Variants in SH3RF3 observed in about 807,000 individuals in gnomAD.
SH3RF3 encodes E3 ubiquitin-protein ligase SH3RF3.
SH3RF3 carries 29 observed loss-of-function variants against 66.3 expected under a neutral mutation model. The observed-to-expected ratio is 0.44, with a 90% CI of 0.33 to 0.60. The LOEUF is 0.60. SH3RF3 is among the 20% of genes least tolerant of loss of function. The pLI is 0.04. For missense variants in SH3RF3, 1,194 were observed against 1,190.9 expected (o/e 1.00, Z -0.04); for synonymous variants, 583 against 532.0 (o/e 1.10, Z -1.32).
intron 1 of SH3RF3, among the ~76,000 whole-genome samples, chr2:109,305,757 C>T (rs1313350555): frequency 1.3e-5 from 2 of 152,214 alleles, no homozygotes; most frequent in Non-Finnish European, 2.9e-5. Flanking sequence ...GTGTTCTCTG[C>T]GGTTCCCTGA....
At chr2:109,248,719 C>T (rs182568844) in intron 1 of SH3RF3, among the ~76,000 whole-genome samples, 2 of 152,052 alleles carry the variant, frequency 1.3e-5, no homozygotes, top group Non-Finnish European at 2.9e-5. Flanking sequence ...TTCCTTGCCT[C>T]CTTCTTTTCT....
At chr2:109,418,943 A>T (rs1241232937) in intron 4 of SH3RF3, among the ~76,000 whole-genome samples, 4 of 151,912 alleles carry the variant, frequency 2.6e-5, no homozygotes, top group Non-Finnish European at 5.9e-5. Flanking sequence ...CGGCCCCCCC[A>T]CTGTCCCCAG....
At chr2:109,370,274 C>G (rs76530856) in intron 2 of SH3RF3, among the ~76,000 whole-genome samples, 19,322 of 150,958 alleles carry the variant, frequency 0.13, 1,398 homozygotes, top group Middle Eastern at 0.24. Context: ...GAGTCTCACT[C>G]TGTCACCCTG....
At chr2:109,162,456 C>G (rs893420387) in intron 1 of SH3RF3, among the ~76,000 whole-genome samples, 6 of 152,070 alleles carry the variant, frequency 3.9e-5, no homozygotes, top group African/African-American at 1.2e-4. Flanking sequence ...GGTACATGTG[C>G]ACAACGTGCA....
chr2:109,191,448 G>A (rs1678361022), intron 1 of SH3RF3, among the ~76,000 whole-genome samples: 1 of 152,196 alleles, frequency 6.6e-6, no homozygotes, highest in Admixed American at 6.5e-5. Context: ...AAATCAATGT[G>A]TTTGGGTGCG....
At chr2:109,259,684 G>A (rs760491759) in intron 1 of SH3RF3, among the ~76,000 whole-genome samples, 2 of 152,208 alleles carry the variant, frequency 1.3e-5, no homozygotes, top group African/African-American at 2.4e-5. Flanking sequence ...TTGCTCTCAC[G>A]GCCTACGGAA....
chr2:109,471,634 G>A (rs1678513376), intron 8 of SH3RF3, among the ~76,000 whole-genome samples: 1 of 152,206 alleles, frequency 6.6e-6, no homozygotes, highest in South Asian at 2.1e-4. Flanking sequence ...TTCCATGGGT[G>A]AGGAGGTTGC....
chr2:109,408,796 G>A (rs916489806), intron 4 of SH3RF3, among the ~76,000 whole-genome samples: 8 of 152,240 alleles, frequency 5.3e-5, no homozygotes, highest in Non-Finnish European at 1.0e-4. Flanking sequence ...GGATGTGGAT[G>A]AATATTGTGC....
chr2:109,227,764 T>C (rs1679404782), intron 1 of SH3RF3, among the ~76,000 whole-genome samples: 2 of 152,224 alleles, frequency 1.3e-5, no homozygotes, highest in African/African-American at 4.8e-5. Flanking sequence ...CAAGTTCTTT[T>C]TCTGGGTAGG....
intron 1 of SH3RF3, among the ~76,000 whole-genome samples, chr2:109,288,652 T>TG (rs1202898405): frequency 2.6e-5 from 4 of 152,240 alleles, no homozygotes; most frequent in African/African-American, 9.6e-5. Context: ...GGAGACTGAC[T>TG]TCTTTTCACT....
At chr2:109,493,221 T>C (rs1483178191) in intron 9 of SH3RF3, among the ~76,000 whole-genome samples, 1 of 147,460 alleles carries the variant, frequency 6.8e-6, no homozygotes, top group Non-Finnish European at 1.5e-5. Context: ...ACTCACACAT[T>C]ACACATACAG....
chr2:109,389,251 C>T (rs142553898), intron 3 of SH3RF3, among the ~76,000 whole-genome samples: 8 of 151,834 alleles, frequency 5.3e-5, no homozygotes, highest in South Asian at 2.1e-4. Flanking sequence ...GAGGGGCAAG[C>T]GTGGGCCAGG....
intron 1 of SH3RF3, among the ~76,000 whole-genome samples, chr2:109,295,409 C>T (rs890857808): frequency 6.6e-6 from 1 of 152,226 alleles, no homozygotes; most frequent in Non-Finnish European, 1.5e-5. Flanking sequence ...CTGAAGTCTT[C>T]AGTGTCTAAA....
At position 109,493,700 on chromosome 2, in the gene SH3RF3, CCATA is replaced by C. The variant is rs1472596455; in HGVS notation, c.2480+2771_2480+2774del. Among the ~76,000 whole-genome samples, 12 of 151,900 alleles carry C rather than the reference CCATA, an allele frequency of 7.9e-5. No homozygotes were observed. In the South Asian group the frequency reaches 1.0e-3, roughly 13 times the overall value. ...TCACACACCATACACACACCACACA[CCATA>C]CATACACACCATAAACACACACCAT... On this transcript the variant is annotated intron_variant, in intron 9 of 9. Coordinates refer to ENST00000309415, the MANE Select transcript of SH3RF3 (RefSeq NM_001099289.3).
At chr2:109,477,812 A>G (rs1222314000) in intron 8 of SH3RF3, among the ~76,000 whole-genome samples, 1 of 151,978 alleles carries the variant, frequency 6.6e-6, no homozygotes, top group African/African-American at 2.4e-5. Context: ...AGCTCTCACG[A>G]CCCGATCATC....
chr2:109,173,760 G>C (rs903670914), intron 1 of SH3RF3, among the ~76,000 whole-genome samples: 27 of 152,210 alleles, frequency 1.8e-4, no homozygotes, highest in African/African-American at 6.0e-4. Context: ...GTGGTAGCCT[G>C]CCTGTGGTGT....
chr2:109,209,895 TC>T (rs34193368), intron 1 of SH3RF3, among the ~76,000 whole-genome samples: 8 of 152,072 alleles, frequency 5.3e-5, no homozygotes, highest in East Asian at 1.9e-4. Context: ...ATTAAGTACG[TC>T]CCCCCTGTTT....
chr2:109,399,092 T>A, intron 4 of SH3RF3, 149 bp downstream of exon 4: 1 of 938,448 alleles, frequency 1.1e-6, no homozygotes, highest in Non-Finnish European at 1.6e-6. Flanking sequence ...CTTTGCTGCC[T>A]GGCACTGGGG....
chr2:109,130,463 T>C (rs528343891), intron 1 of SH3RF3, among the ~76,000 whole-genome samples: 3 of 152,202 alleles, frequency 2.0e-5, no homozygotes, highest in South Asian at 4.2e-4. Context: ...CCCCAGACAC[T>C]CCCTCTGCAC....
Sources: gnomAD v4.1 joint callset for allele counts (sites outside exome capture counted in the v4.1 genomes callset) on GRCh38, gnomAD v4.1.1 for gene constraint, MANE v1.5 for transcripts, NCBI Gene and HGNC (gene_info 2026-07-23, HGNC 2026-07-21) for gene names.